Variants in TAS1R1 observed in about 807,000 individuals in gnomAD.
TAS1R1 encodes taste receptor type 1 member 1.
TAS1R1 carries 31 observed loss-of-function variants against 45.8 expected under a neutral mutation model. That is an observed-to-expected ratio of 0.68 (90% CI 0.51 to 0.91). TAS1R1 has a LOEUF of 0.91. Ranked by LOEUF, TAS1R1 falls within the 40% of genes least tolerant of loss-of-function variation. TAS1R1 has a pLI of 0.00. For synonymous variants in TAS1R1, 437 were observed against 448.4 expected (o/e 0.97, Z 0.32); for missense variants, 1,051 against 1,063.9 (o/e 0.99, Z 0.17).
In TAS1R1 at chr1:6,575,125, C is replaced by CCCTGG; in HGVS notation, c.998_1002dup (p.Lys335AlafsTer2). On this transcript the variant is annotated frameshift_variant, in exon 3 of 6. Coordinates refer to ENST00000333172, the MANE Select transcript of TAS1R1 (RefSeq NM_138697.4). LOFTEE classifies it high-confidence loss of function. ...GCGTGGCCATCCAGAAGAGGGCTGT[C>CCCTGG]CCTGGCCTGAAGGCGTTTGAAGAAG... The CCCTGG allele has an allele frequency of 6.3e-7, 1 of 1,584,838 alleles. No homozygotes were observed. The highest frequency in any genetic ancestry group is 2.2e-5 in the East Asian group (1 of 44,702).
intron 1 of TAS1R1, among the ~76,000 whole-genome samples, chr1:6,562,193 G>C (rs950069685): frequency 1.3e-5 from 2 of 152,190 alleles, no homozygotes; most frequent in African/African-American, 4.8e-5. Context: ...TTTTGAGACG[G>C]AGTCTCACTC....
intron 1 of TAS1R1, among the ~76,000 whole-genome samples, chr1:6,566,749 C>CCA (rs1639878746): frequency 6.6e-6 from 1 of 152,242 alleles, no homozygotes; most frequent in Admixed American, 6.5e-5. Context: ...GTGCCCGCCA[C>CCA]TGCGCCTGGC....
intron 2 of TAS1R1, among the ~76,000 whole-genome samples, chr1:6,573,525 G>A (rs1483606944): frequency 6.6e-6 from 1 of 152,144 alleles, no homozygotes; most frequent in East Asian, 1.9e-4. Context: ...GACTCCCTGT[G>A]GCTTACAGCA....
intron 1 of TAS1R1, among the ~76,000 whole-genome samples, chr1:6,561,342 G>C (rs995839566): frequency 1.3e-5 from 2 of 152,180 alleles, no homozygotes; most frequent in African/African-American, 4.8e-5. Flanking sequence ...CTTCTCCTAA[G>C]AAGATGCGCA....
At chr1:6,568,864 C>A (rs1380082789) in intron 1 of TAS1R1, among the ~76,000 whole-genome samples, 18 of 152,264 alleles carry the variant, frequency 1.2e-4, no homozygotes, top group Admixed American at 1.2e-3. Context: ...CAAGTGAGTT[C>A]ATAAGATTGG....
intron 1 of TAS1R1, among the ~76,000 whole-genome samples, chr1:6,558,643 C>A (rs1445557427): frequency 6.6e-6 from 1 of 151,950 alleles, no homozygotes; most frequent in Non-Finnish European, 1.5e-5. Context: ...TCACTTGAAC[C>A]GGGGTGGCAG....
At position 6,574,803 on chromosome 1, in the gene TAS1R1, G is replaced by A; in HGVS notation, c.671G>A (p.Gly224Glu). Residue 224 changes from glycine (G) to glutamate (E), a missense_variant, in exon 3 of 6, where the codon GGG (glycine) becomes GAG (glutamate). By Grantham distance (98) the Gly-to-Glu change is moderately conservative (BLOSUM62 -2). Coordinates refer to ENST00000333172, the MANE Select transcript of TAS1R1 (RefSeq NM_138697.4). The surrounding 1 kb of genome is among the most constrained non-coding windows in gnomAD (Gnocchi z 4.3). ...AGCAGTGACGACTATGGGCAGCTAG[G>A]GGTGCAGGCACTGGAGAACCAGGCC... ...VGSSDDYGQL[G>E]VQALENQATG... The A allele has an allele frequency of 4.3e-6, 7 of 1,614,258 alleles. No homozygotes were observed. The highest frequency in any genetic ancestry group is 5.9e-6 in the Non-Finnish European group (7 of 1,180,048).
At chr1:6,576,370 G>A (rs375085528) in intron 3 of TAS1R1, 45 bp from the exon 4 acceptor site, 242 of 1,598,102 alleles carry the variant, frequency 1.5e-4, no homozygotes, top group Non-Finnish European at 2.0e-4. Context: ...GGACCATGTG[G>A]GTCTGTGCTG....
intron 1 of TAS1R1, among the ~76,000 whole-genome samples, chr1:6,560,383 G>C (rs1639761311): frequency 6.6e-6 from 1 of 152,224 alleles, no homozygotes; most frequent in Non-Finnish European, 1.5e-5. Context: ...AGCAATCAGA[G>C]GAGGCAACAG....
rs1008602776 is a variant in TAS1R1 at position 6,579,114 on chromosome 1, A to G, written c.2056A>G (p.Ser686Gly). 12 of 1,614,072 alleles carry G rather than the reference A, an allele frequency of 7.4e-6. No individual in the cohort carries two copies. The African/African-American group carries it at 1.5e-4, about 20-fold the overall frequency. Residue 686 changes from serine (S) to glycine (G), a missense_variant, in exon 6 of 6, where the codon AGC becomes GGC. Ser to Gly is a moderately conservative substitution (Grantham distance 56). Transcript: ENST00000333172. ...NHGAGLFVMISSAAQLLICLT... is the reference protein window; with the variant it reads ...NHGAGLFVMIGSAAQLLICLT... Reference sequence around the variant, plus strand: ...CGGTGCTGGCCTGTTTGTGATGATCAGCTCAGCGGCCCAGCTGCTTATCTG... The same window carrying G: ...CGGTGCTGGCCTGTTTGTGATGATCGGCTCAGCGGCCCAGCTGCTTATCTG...
At chr1:6,566,892 C>T (rs1557803860) in intron 1 of TAS1R1, among the ~76,000 whole-genome samples, 2 of 152,086 alleles carry the variant, frequency 1.3e-5, no homozygotes, top group Non-Finnish European at 2.9e-5. Flanking sequence ...ACGCGCCTGG[C>T]CTTTTAGCTG....
rs544767284 is a variant in TAS1R1, at chr1:6,578,539, CCT to C, written c.1595-113_1595-112del. The stretch of plus-strand genomic sequence containing the variant: ...TCCCGGCTACCCCCATCCCACTATG[CCT>C]AGTATAGTCTAGCTGCCCTGGTACA... On this transcript the variant is annotated intron_variant, in intron 5 of 5. Coordinates refer to ENST00000333172, the MANE Select transcript of TAS1R1 (RefSeq NM_138697.4). 7 of 1,492,896 alleles carry C rather than the reference CCT, an allele frequency of 4.7e-6. No individual in the cohort carries two copies. In the African/African-American group the frequency reaches 9.8e-5, roughly 21 times the overall value. The allele number at this position is 1,492,896 out of a possible 1,614,324, so 92.5% of individuals were successfully genotyped here.
chr1:6,559,757 G>A (rs573059193), intron 1 of TAS1R1, among the ~76,000 whole-genome samples: 9 of 151,858 alleles, frequency 5.9e-5, no homozygotes, highest in Admixed American at 1.3e-4. Context: ...CACCTGGGCC[G>A]AAGCGGATGG....
intron 3 of TAS1R1, 45 bp from the exon 4 acceptor site, chr1:6,576,370 G>T: frequency 1.3e-6 from 2 of 1,598,218 alleles, no homozygotes; most frequent in South Asian, 1.1e-5. Context: ...GGACCATGTG[G>T]GTCTGTGCTG....
chr1:6,579,471 G>T lies in TAS1R1; in HGVS notation c.2413G>T (p.Gly805Cys), dbSNP rs745660862. 6.2e-7 allele frequency: 1 copy of T among 1,614,026 alleles called. No individual in the cohort carries two copies. The highest frequency in any genetic ancestry group is 8.5e-7 in the Non-Finnish European group (1 of 1,180,016). Reference sequence around the variant, plus strand: ...GCTGAGCAGCCTGAGCAGCGGCTTCGGTGGGTATTTTCTGCCTAAGTGCTA... The same window carrying T: ...GCTGAGCAGCCTGAGCAGCGGCTTCTGTGGGTATTTTCTGCCTAAGTGCTA... ...AGLSSLSSGF[G>C]GYFLPKCYVI... Residue 805 changes from glycine to cysteine, a missense_variant, in exon 6 of 6, where the codon GGT becomes TGT. By Grantham distance (159) the Gly-to-Cys change is radical. Coordinates refer to ENST00000333172, the MANE Select transcript of TAS1R1 (RefSeq NM_138697.4).
chr1:6,577,030 G>A lies in TAS1R1; in HGVS notation c.1554G>A (p.Glu518=). 1 of 1,614,236 alleles carries A rather than the reference G, an allele frequency of 6.2e-7. No homozygotes were observed. The highest frequency in any genetic ancestry group is 1.1e-5 in the South Asian group (1 of 91,088). The change falls in exon 5 of 6, where the codon GAG becomes GAA. Residue 518 remains glutamate, a synonymous_variant. Coordinates refer to ENST00000333172, the MANE Select transcript of TAS1R1 (RefSeq NM_138697.4). ...CGGGTTTCCATCACTGCTGCTTTGAGTGTGTGCCCTGTGGGGCTGGGACCT... is the reference window on the plus strand; with the variant it reads ...CGGGTTTCCATCACTGCTGCTTTGAATGTGTGCCCTGTGGGGCTGGGACCT... ...VVTGFHHCCF[E]CVPCGAGTFL...
In TAS1R1 at chr1:6,555,486, ACCT is replaced by A. The variant is rs753905225; in HGVS notation, c.117_119del (p.Leu40del). On this transcript the variant is annotated inframe_deletion, in exon 1 of 6. Coordinates refer to ENST00000333172, the MANE Select transcript of TAS1R1 (RefSeq NM_138697.4). ...CCTGACTTCACCCTCCCCGGAGATTACCTCCTGGCAGGCCTGTTCCCTCTCCAT... is the reference window on the plus strand; with the variant it reads ...CCTGACTTCACCCTCCCCGGAGATTACCTGGCAGGCCTGTTCCCTCTCCAT... 36 of 1,580,352 alleles carry A rather than the reference ACCT, an allele frequency of 2.3e-5. No homozygotes were observed. The African/African-American group carries it at 4.7e-4, about 21-fold the overall frequency.
In TAS1R1 at chr1:6,579,531, G is replaced by C. The variant is rs143210457; in HGVS notation, c.2473G>C (p.Glu825Gln). 4 of 1,613,184 alleles carry C rather than the reference G, an allele frequency of 2.5e-6. No individual in the cohort carries two copies. Among genetic ancestry groups the C allele is most frequent in the Non-Finnish European group, 3.4e-6 (4 of 1,180,018 alleles). The change falls in exon 6 of 6, where the codon GAG becomes CAG. Residue 825 changes from glutamate to glutamine, a missense_variant. By Grantham distance (29) the Glu-to-Gln change is conservative (BLOSUM62 2). Transcript: ENST00000333172. ...ILCRPDLNST[E>Q]HFQASIQDYT... ...CTGCCGCCCAGACCTCAACAGCACA[G>C]AGCACTTCCAGGCCTCCATTCAGGA... is the stretch of plus-strand genomic sequence containing the variant.
Position 6,555,514 on chromosome 1 carries a change from T to G in TAS1R1, c.141T>G (p.His47Gln). Residue 47 changes from histidine (H) to glutamine (Q), a missense_variant, in exon 1 of 6, where the codon CAT (histidine) becomes CAG (glutamine). By Grantham distance (24) the His-to-Gln change is conservative. Coordinates refer to ENST00000333172, the MANE Select transcript of TAS1R1 (RefSeq NM_138697.4). ...DYLLAGLFPL[H>Q]SGCLQVRHRP... ...TCCTGGCAGGCCTGTTCCCTCTCCA[T>G]TCTGGCTGTCTGCAGGTGAGGCACA... 6.4e-7 allele frequency: 1 copy of G among 1,561,364 alleles called. No homozygotes were observed. Among genetic ancestry groups the G allele is most frequent in the Non-Finnish European group, 8.7e-7 (1 of 1,152,290 alleles).
Sources: gnomAD v4.1 joint callset for allele counts (sites outside exome capture counted in the v4.1 genomes callset) on GRCh38, gnomAD v4.1.1 for gene constraint, Gnocchi (gnomAD v3.1) non-coding constraint, MANE v1.5 for transcripts, NCBI Gene and HGNC (gene_info 2026-07-23, HGNC 2026-07-21) for gene names.